Variants in DLGAP2 observed in about 807,000 individuals in gnomAD.
DLGAP2 encodes the protein DLG associated protein 2, also known as disks large-associated protein 2.
DLGAP2 carries 26 observed loss-of-function variants against 100.3 expected under a neutral mutation model. The ratio of observed to expected loss-of-function variants is 0.26; its 90% confidence interval spans 0.19 to 0.36. The LOEUF (loss-of-function observed/expected upper bound fraction) is 0.36, where lower values mean the gene tolerates loss of function less well. Ranked by LOEUF, DLGAP2 falls within the 10% of genes least tolerant of loss-of-function variation. The pLI is 1.00. For missense variants in DLGAP2, 1,858 were observed against 1,453.2 expected, an observed-to-expected ratio of 1.28 and a Z score of -4.53; for synonymous variants, 886 against 630.1, an observed-to-expected ratio of 1.41 and a Z score of -6.08.
intron 3 of DLGAP2, among the ~76,000 whole-genome samples, chr8:1,309,122 A>T (rs1800556545): frequency 6.6e-6 from 1 of 152,156 alleles, no homozygotes; most frequent in African/African-American, 2.4e-5. Flanking sequence ...CATCGGGCTG[A>T]TCAGCCTACA....
At chr8:1,357,605 AC>A (rs1801885286) in intron 3 of DLGAP2, among the ~76,000 whole-genome samples, 1 of 152,148 alleles carries the variant, frequency 6.6e-6, no homozygotes, top group African/African-American at 2.4e-5. Context: ...CCTGGAAAGC[AC>A]GCTTTATAAA....
intron 3 of DLGAP2, among the ~76,000 whole-genome samples, chr8:1,349,200 A>T (rs1180534561): frequency 6.6e-6 from 1 of 150,680 alleles, no homozygotes; most frequent in Non-Finnish European, 1.5e-5. Context: ...TCGTACGCTC[A>T]CATTAAATAT....
At chr8:1,167,819 G>T (rs1797049135) in intron 2 of DLGAP2, among the ~76,000 whole-genome samples, 1 of 149,088 alleles carries the variant, frequency 6.7e-6, no homozygotes, top group Non-Finnish European at 1.5e-5. Flanking sequence ...CCTGGTTGAG[G>T]TCCTAAACCA....
In DLGAP2 at chr8:1,345,411, G is replaced by A. The variant is rs114230107; in HGVS notation, c.106+86528G>A. Among the ~76,000 whole-genome samples the A allele has an allele frequency of 3.3e-3, 507 of 152,284 alleles. 5 individuals carry two copies. The highest frequency in any genetic ancestry group is 0.011 in the African/African-American group (474 of 41,560). ...GCATGTAGTTTCCCCCATTTTGCCC[G>A]AGTTGCCAAATCTAAATAAACTACG... On this transcript the variant is annotated intron_variant, in intron 3 of 14. Coordinates refer to ENST00000637795, the MANE Select transcript of DLGAP2 (RefSeq NM_001346810.2).
intron 1 of DLGAP2, among the ~76,000 whole-genome samples, chr8:782,806 T>C (rs1821733216): frequency 6.6e-6 from 1 of 152,166 alleles, no homozygotes; most frequent in Non-Finnish European, 1.5e-5. Flanking sequence ...AAAGCAGAAA[T>C]ACCACTCACT....
intron 2 of DLGAP2, among the ~76,000 whole-genome samples, chr8:1,076,213 CT>C (rs1163105532): frequency 6.6e-6 from 1 of 152,212 alleles, no homozygotes; most frequent in South Asian, 2.1e-4. Context: ...CCCCTCACCC[CT>C]GTGCCACCCG....
chr8:1,430,545 G>C (rs1797395364), intron 3 of DLGAP2, among the ~76,000 whole-genome samples: 1 of 152,192 alleles, frequency 6.6e-6, no homozygotes, highest in Non-Finnish European at 1.5e-5. Context: ...AGGTGACTCA[G>C]ACAAACCCCA....
At chr8:1,203,010 C>G (rs1271643997) in intron 2 of DLGAP2, among the ~76,000 whole-genome samples, 1 of 152,168 alleles carries the variant, frequency 6.6e-6, no homozygotes, top group African/African-American at 2.4e-5. Context: ...TCCTCGCCAC[C>G]ACCCCATCCA....
chr8:862,806 G>A (rs1299215640), intron 1 of DLGAP2, among the ~76,000 whole-genome samples: 1 of 152,186 alleles, frequency 6.6e-6, no homozygotes, highest in African/African-American at 2.4e-5. Context: ...AAAGTCTGGT[G>A]TTGACTGAGG....
chr8:1,235,544 C>T (rs1468893286), intron 2 of DLGAP2, among the ~76,000 whole-genome samples: 1 of 24,372 alleles, frequency 4.1e-5, no homozygotes, highest in African/African-American at 9.8e-5. Context: ...CTAGTTCTCT[C>T]ACATGGCGCC....
In DLGAP2 at chr8:906,479, G is replaced by C. The variant is rs149640406; in HGVS notation, c.19-1433G>C. Among the ~76,000 whole-genome samples the C allele has an allele frequency of 9.8e-5, 15 of 152,346 alleles. No individual in the cohort carries two copies. In the South Asian group the frequency reaches 2.9e-3, roughly 29 times the overall value. ...GAGTGAATGGGCATGGCTGTGGAAT[G>C]AGACAGAGGGCAGATCTGCGAGGAG... On this transcript the variant is annotated intron_variant, in intron 1 of 14. Coordinates refer to ENST00000637795, the MANE Select transcript of DLGAP2 (RefSeq NM_001346810.2).
At chr8:1,623,549 G>C (rs1451213168) in intron 6 of DLGAP2, among the ~76,000 whole-genome samples, 10 of 148,626 alleles carry the variant, frequency 6.7e-5, no homozygotes, top group African/African-American at 2.2e-4. Context: ...ACCAGTGCGT[G>C]ATAACCTGGC....
At chr8:1,492,655 C>T (rs1483000691) in intron 3 of DLGAP2, among the ~76,000 whole-genome samples, 1 of 152,242 alleles carries the variant, frequency 6.6e-6, no homozygotes, top group African/African-American at 2.4e-5. Context: ...AGCACGTGAC[C>T]TGACCCCTCC....
intron 3 of DLGAP2, among the ~76,000 whole-genome samples, chr8:1,441,592 G>C (rs2130068104): frequency 6.6e-6 from 1 of 151,544 alleles, no homozygotes; most frequent in Non-Finnish European, 1.5e-5. Context: ...GGAGGCTGAG[G>C]CAGGAGAATC....
intron 2 of DLGAP2, among the ~76,000 whole-genome samples, chr8:1,187,825 G>A (rs1281432898): frequency 8.2e-6 from 1 of 122,130 alleles, no homozygotes; most frequent in Non-Finnish European, 1.6e-5. Flanking sequence ...CGGGACTTCC[G>A]TGATGTTTCC....
intron 2 of DLGAP2, among the ~76,000 whole-genome samples, chr8:1,092,986 G>A (rs956119031): frequency 2.6e-5 from 4 of 152,190 alleles, no homozygotes; most frequent in Non-Finnish European, 5.9e-5. Context: ...TGGGGGCTGC[G>A]GGTCCGAAAT....
chr8:1,291,841 C>T (rs541374881), intron 3 of DLGAP2, among the ~76,000 whole-genome samples: 16 of 152,272 alleles, frequency 1.1e-4, no homozygotes, highest in African/African-American at 3.8e-4. Context: ...TACTGCTCAG[C>T]AGGCCATATG....
intron 3 of DLGAP2, among the ~76,000 whole-genome samples, chr8:1,329,648 A>G (rs1801103677): frequency 6.6e-6 from 1 of 152,126 alleles, no homozygotes; most frequent in African/African-American, 2.4e-5. Flanking sequence ...ATGGGCCCTA[A>G]GTGAGGTTGC....
chr8:953,338 C>A (rs138934835), intron 2 of DLGAP2, among the ~76,000 whole-genome samples: 2 of 152,078 alleles, frequency 1.3e-5, no homozygotes, highest in Non-Finnish European at 2.9e-5. Flanking sequence ...GGATTACAGA[C>A]ACTTGTCACC....
Sources: allele counts gnomAD v4.1 joint callset (sites outside exome capture counted in the v4.1 genomes callset), GRCh38; gene constraint gnomAD v4.1.1; transcripts MANE v1.5; gene names NCBI Gene and HGNC (gene_info 2026-07-23, HGNC 2026-07-21).